NELL1: variants seen among roughly 807,000 people sequenced by gnomAD.
NELL1 encodes the protein protein kinase C-binding protein NELL1.
A neutral mutation model predicts 107.4 loss-of-function variants in NELL1; 76 were observed. The observed-to-expected ratio is 0.71, with a 90% CI of 0.59 to 0.86. The LOEUF (loss-of-function observed/expected upper bound fraction) is 0.86. NELL1 is among the 40% of genes least tolerant of loss of function. NELL1 has a pLI of 0.00. For missense variants in NELL1, 1,024 were observed against 1,005.5 expected (o/e 1.02, Z -0.25); for synonymous variants, 353 against 341.2 (o/e 1.03, Z -0.38).
chr11:21,273,772 T>G (rs1848793094), intron 14 of NELL1, among the ~76,000 whole-genome samples: 1 of 152,196 alleles, frequency 6.6e-6, no homozygotes, highest in African/African-American at 2.4e-5. Flanking sequence ...AAAAGAATTT[T>G]CAACCCAGAA....
chr11:21,017,065 C>T (rs1320734442), intron 12 of NELL1, among the ~76,000 whole-genome samples: 1 of 152,108 alleles, frequency 6.6e-6, no homozygotes, highest in East Asian at 1.9e-4. Flanking sequence ...CACCACCATT[C>T]CCTTCTAAAG....
intron 2 of NELL1, among the ~76,000 whole-genome samples, chr11:20,698,276 C>A (rs1453997162): frequency 6.6e-6 from 1 of 152,094 alleles, no homozygotes; most frequent in Non-Finnish European, 1.5e-5. Context: ...TCTGGAAAAT[C>A]ATTAAATGGC....
At chr11:21,397,141 A>G (rs1285045558) in intron 15 of NELL1, among the ~76,000 whole-genome samples, 1 of 151,664 alleles carries the variant, frequency 6.6e-6, no homozygotes, top group Non-Finnish European at 1.5e-5. Context: ...TCTTCTTTCC[A>G]GGGCTGTAGC....
intron 3 of NELL1, among the ~76,000 whole-genome samples, chr11:20,837,895 CTT>C (rs2134045619): frequency 6.6e-6 from 1 of 152,148 alleles, no homozygotes; most frequent in East Asian, 1.9e-4. Flanking sequence ...TAAAATGAAT[CTT>C]TTCATTTCAA....
intron 15 of NELL1, among the ~76,000 whole-genome samples, chr11:21,468,045 A>G (rs1169304654): frequency 6.6e-6 from 1 of 152,120 alleles, no homozygotes; most frequent in Non-Finnish European, 1.5e-5. Flanking sequence ...AAATATTCTC[A>G]GTTGCATAAA....
chr11:20,885,519 C>T lies in NELL1; in HGVS notation c.582C>T (p.Asn194=), dbSNP rs756357643. 1 of 1,610,416 alleles carries T rather than the reference C, an allele frequency of 6.2e-7. No homozygotes were observed. The highest frequency in any genetic ancestry group is 1.1e-5 in the South Asian group (1 of 90,996). The change falls in exon 5 of 20, where the codon AAC becomes AAT. Residue 194 remains asparagine, a synonymous_variant. Transcript: ENST00000357134. The stretch of plus-strand genomic sequence containing the variant: ...TCAATTTATGGCTTGGCCAGCGCAA[C>T]CAAAAGCATGGCTTATTCAAAGTAA... ...PGINLWLGQR[N]QKHGLFKGII...
intron 4 of NELL1, among the ~76,000 whole-genome samples, chr11:20,856,154 G>A (rs1366449862): frequency 1.3e-5 from 2 of 152,286 alleles, no homozygotes; most frequent in South Asian, 2.1e-4. Flanking sequence ...CACGGAAAAT[G>A]TTTCTGTGCA....
intron 12 of NELL1, among the ~76,000 whole-genome samples, chr11:21,045,652 T>C (rs1487550070): frequency 2.6e-4 from 39 of 152,194 alleles, no homozygotes; most frequent in Non-Finnish European, 1.3e-4. Flanking sequence ...TTTTCTGTTC[T>C]TGACCACCTC....
rs868863824 is a variant in NELL1 at position 20,691,635 on chromosome 11, A to G, written c.184+13575A>G. ...AGCCTTGCATCCCAGGGATGAAGCC[A>G]ACTTGATCATGGTGGATAAGCTTTT... is the stretch of plus-strand genomic sequence containing the variant. On this transcript the variant is annotated intron_variant, in intron 2 of 19. Transcript: ENST00000357134. Among the ~76,000 whole-genome samples the G allele has an allele frequency of 7.2e-5, 11 of 151,858 alleles. No individual in the cohort carries two copies. In the East Asian group the frequency reaches 1.9e-3, roughly 27 times the overall value.
intron 7 of NELL1, among the ~76,000 whole-genome samples, chr11:20,923,238 G>C (rs1029517925): frequency 2.0e-5 from 3 of 152,238 alleles, no homozygotes; most frequent in Admixed American, 2.0e-4. Context: ...TACCAGATCA[G>C]CCCAGGGGTC....
intron 12 of NELL1, among the ~76,000 whole-genome samples, chr11:21,057,809 A>C (rs1516759): frequency 6.6e-6 from 1 of 151,866 alleles, no homozygotes; most frequent in Non-Finnish European, 1.5e-5. Flanking sequence ...CCTATCTGTG[A>C]TTTTTAACTT....
Position 21,534,500 on chromosome 11 carries a change from G to T in NELL1, c.1772G>T (p.Gly591Val). Residue 591 changes from glycine to valine, a missense_variant, in exon 16 of 20, where the codon GGG becomes GTG. Gly to Val is a moderately radical substitution (Grantham distance 109). Transcript: ENST00000357134. ...FHDDGTYSLS[G>V]ESCIDIDECA... is the part of the protein sequence containing the mutation. ...GACGATGGGACCTATTCACTGTCCG[G>T]GGAGTCCTGTATTGGTAAGCAGCTT... The T allele has an allele frequency of 6.2e-7, 1 of 1,613,764 alleles. No homozygotes were observed. The highest frequency in any genetic ancestry group is 8.5e-7 in the Non-Finnish European group (1 of 1,179,776).
chr11:21,280,996 C>A (rs903660720), intron 14 of NELL1, among the ~76,000 whole-genome samples: 1 of 151,708 alleles, frequency 6.6e-6, no homozygotes, highest in Admixed American at 6.6e-5. Context: ...GGAGTGCTTG[C>A]ACCGTCCCTC....
intron 2 of NELL1, among the ~76,000 whole-genome samples, chr11:20,750,275 T>A (rs1343926430): frequency 6.6e-6 from 1 of 152,164 alleles, no homozygotes; most frequent in Non-Finnish European, 1.5e-5. Context: ...TCATTATTAT[T>A]ATTTAAAAAA....
chr11:21,553,770 G>T (rs116945555), intron 16 of NELL1, among the ~76,000 whole-genome samples: 1,883 of 151,916 alleles, frequency 0.012, 39 homozygotes, highest in East Asian at 0.077. Context: ...ATGTGAATGG[G>T]TAAGGAAGAT....
intron 12 of NELL1, among the ~76,000 whole-genome samples, chr11:21,107,995 T>C (rs1374118841): frequency 1.3e-5 from 2 of 152,186 alleles, no homozygotes; most frequent in African/African-American, 4.8e-5. Context: ...TTTTAGGCAC[T>C]CTACACGTAG....
At chr11:21,053,951 GT>G (rs1242628296) in intron 12 of NELL1, among the ~76,000 whole-genome samples, 1 of 152,000 alleles carries the variant, frequency 6.6e-6, no homozygotes, top group East Asian at 1.9e-4. Flanking sequence ...AAAGAACTTA[GT>G]TTTTTTCCCC....
intron 12 of NELL1, among the ~76,000 whole-genome samples, chr11:20,996,106 C>T (rs1471212324): frequency 2.6e-5 from 4 of 152,208 alleles, no homozygotes; most frequent in African/African-American, 9.6e-5. Context: ...ATCTCATTCT[C>T]ATTCCCTGTT....
At chr11:20,739,126 T>A (rs1362338890) in intron 2 of NELL1, among the ~76,000 whole-genome samples, 1 of 152,256 alleles carries the variant, frequency 6.6e-6, no homozygotes, top group African/African-American at 2.4e-5. Context: ...GCTACTGTGT[T>A]GGACAGCACA....
Sources: allele counts gnomAD v4.1 joint callset (sites outside exome capture counted in the v4.1 genomes callset), GRCh38; gene constraint gnomAD v4.1.1; transcripts MANE v1.5; gene names NCBI Gene and HGNC (gene_info 2026-07-23, HGNC 2026-07-21).